The following PHLPP1 variants were observed in gnomAD, a reference collection of about 807,000 sequenced individuals.
PHLPP1 encodes the protein PH domain and leucine rich repeat protein phosphatase 1.
PHLPP1 carries 42 observed loss-of-function variants against 117.2 expected under a neutral mutation model. That is an observed-to-expected ratio of 0.36 (90% confidence interval 0.28 to 0.46). The LOEUF (loss-of-function observed/expected upper bound fraction) is 0.46. PHLPP1 is among the 20% of genes least tolerant of loss of function. PHLPP1 has a pLI of 1.00. For missense variants in PHLPP1, 2,084 were observed against 2,241.9 expected, an observed-to-expected ratio of 0.93 and a Z score of 1.42; for synonymous variants, 1,042 against 970.7, an observed-to-expected ratio of 1.07 and a Z score of -1.37.
intron 1 of PHLPP1, among the ~76,000 whole-genome samples, chr18:62,734,898 C>T (rs925772496): frequency 6.6e-6 from 1 of 152,026 alleles, no homozygotes; most frequent in Non-Finnish European, 1.5e-5. Flanking sequence ...AGTTATTGGC[C>T]CTTGTGATTA....
At chr18:62,957,725 T>G (rs1331872545) in intron 12 of PHLPP1, among the ~76,000 whole-genome samples, 2 of 151,960 alleles carry the variant, frequency 1.3e-5, no homozygotes, top group African/African-American at 4.8e-5. Flanking sequence ...TATTTTTTTT[T>G]TTTTGGTGAG....
intron 10 of PHLPP1, among the ~76,000 whole-genome samples, chr18:62,925,154 C>T (rs919125338): frequency 2.6e-5 from 4 of 152,060 alleles, no homozygotes; most frequent in African/African-American, 7.2e-5. Flanking sequence ...CATGGGTCAC[C>T]GGAGTGGATG....
chr18:62,916,345 C>T (rs1909275928), intron 9 of PHLPP1, among the ~76,000 whole-genome samples: 1 of 150,408 alleles, frequency 6.6e-6, no homozygotes, highest in Non-Finnish European at 1.5e-5. Flanking sequence ...TTCTTTTATT[C>T]TTTCTTTTAA....
At chr18:62,945,458 C>CAA (rs1317235310) in intron 12 of PHLPP1, among the ~76,000 whole-genome samples, 187 bp downstream of exon 12, 6 of 152,184 alleles carry the variant, frequency 3.9e-5, no homozygotes, top group African/African-American at 1.4e-4. Context: ...AAAAACAAAG[C>CAA]AAAACACTGG....
At chr18:62,750,543 A>G (rs1335930858) in intron 1 of PHLPP1, among the ~76,000 whole-genome samples, 1 of 152,202 alleles carries the variant, frequency 6.6e-6, no homozygotes, top group Non-Finnish European at 1.5e-5. Flanking sequence ...GTTTTTTTCA[A>G]AAGCTGTGCT....
chr18:62,811,564 C>A (rs1374284394), intron 1 of PHLPP1, among the ~76,000 whole-genome samples: 2 of 147,000 alleles, frequency 1.4e-5, no homozygotes, highest in South Asian at 4.2e-4. Context: ...TTTTTAACTT[C>A]CTTTTCTTTT....
chr18:62,839,274 T>C (rs1914992500), intron 3 of PHLPP1: 1 of 182,040 alleles, frequency 5.5e-6, no homozygotes, highest in Non-Finnish European at 1.2e-5. Flanking sequence ...CCCTTCTTTC[T>C]CTGACTGTTT....
intron 10 of PHLPP1, among the ~76,000 whole-genome samples, chr18:62,935,659 A>G (rs138006328): frequency 1.3e-5 from 2 of 152,182 alleles, no homozygotes; most frequent in African/African-American, 4.8e-5. Flanking sequence ...GCTGAGAAGA[A>G]GGCCTAGAAA....
intron 4 of PHLPP1, among the ~76,000 whole-genome samples, chr18:62,864,821 T>C (rs1287560247): frequency 6.6e-6 from 1 of 152,124 alleles, no homozygotes; most frequent in Non-Finnish European, 1.5e-5. Flanking sequence ...AGATCACTGG[T>C]TGGTTCACAG....
At chr18:62,889,162 A>G (rs1916353295) in intron 4 of PHLPP1, among the ~76,000 whole-genome samples, 1 of 152,186 alleles carries the variant, frequency 6.6e-6, no homozygotes, top group Non-Finnish European at 1.5e-5. Context: ...GAAACAATCC[A>G]TGCTTTATTT....
chr18:62,816,163 A>T (rs1914267622), intron 1 of PHLPP1, among the ~76,000 whole-genome samples: 1 of 152,162 alleles, frequency 6.6e-6, no homozygotes, highest in Admixed American at 6.5e-5. Context: ...TCTTAGATTA[A>T]ATGTCTGGAA....
intron 4 of PHLPP1, among the ~76,000 whole-genome samples, chr18:62,880,080 T>C (rs1249213706): frequency 1.3e-5 from 2 of 152,202 alleles, no homozygotes; most frequent in Non-Finnish European, 2.9e-5. Context: ...GAAAACCATG[T>C]CTAAATCACA....
chr18:62,947,172 G>C (rs981484041), intron 12 of PHLPP1, among the ~76,000 whole-genome samples: 4 of 152,258 alleles, frequency 2.6e-5, no homozygotes, highest in African/African-American at 9.6e-5. Flanking sequence ...TTGGATCCCA[G>C]CTGAAAATTC....
At chr18:62,961,118 G>A (rs1330765644) in intron 13 of PHLPP1, among the ~76,000 whole-genome samples, 1 of 152,104 alleles carries the variant, frequency 6.6e-6, no homozygotes, top group Admixed American at 6.6e-5. Context: ...CCAACATGAT[G>A]AAAACCCGTC....
At chr18:62,772,692 G>T (rs149104494) in intron 1 of PHLPP1, among the ~76,000 whole-genome samples, 2 of 151,810 alleles carry the variant, frequency 1.3e-5, no homozygotes, top group East Asian at 3.9e-4. Flanking sequence ...TTAGCTGGGC[G>T]TAGTGGCACA....
intron 3 of PHLPP1, among the ~76,000 whole-genome samples, chr18:62,849,832 A>AAAAATATATATAT (rs1555677083): frequency 3.0e-5 from 1 of 33,084 alleles, no homozygotes; most frequent in Non-Finnish European, 5.3e-5. Context: ...AAAAAAAAAA[A>AAAAATATATATAT]ATATATATAT....
At chr18:62,950,281 G>A (rs754436962) in intron 12 of PHLPP1, among the ~76,000 whole-genome samples, 3 of 152,260 alleles carry the variant, frequency 2.0e-5, no homozygotes, top group African/African-American at 7.2e-5. Context: ...TCTAAAATCT[G>A]TGTTACCTTA....
intron 8 of PHLPP1, among the ~76,000 whole-genome samples, chr18:62,905,544 G>A (rs1020302116): frequency 2.0e-5 from 3 of 152,106 alleles, no homozygotes; most frequent in African/African-American, 7.2e-5. Context: ...GGGCCATATG[G>A]CTTAAAGCTC....
At chr18:62,721,817 A>G (rs1910928976) in intron 1 of PHLPP1, among the ~76,000 whole-genome samples, 1 of 152,220 alleles carries the variant, frequency 6.6e-6, no homozygotes, top group Admixed American at 6.5e-5. Flanking sequence ...AATGATTGAT[A>G]TATACAAAGA....
Sources: allele counts gnomAD v4.1 joint callset (sites outside exome capture counted in the v4.1 genomes callset), GRCh38; gene constraint gnomAD v4.1.1; transcripts MANE v1.5; gene names NCBI Gene and HGNC (gene_info 2026-07-23, HGNC 2026-07-21).